Variants in TTC13 observed in about 807,000 individuals in gnomAD.
TTC13 encodes the protein tetratricopeptide repeat protein 13.
TTC13 carries 62 observed loss-of-function variants against 120.0 expected under a neutral mutation model. That is an observed-to-expected ratio of 0.52 (90% confidence interval 0.42 to 0.64). The LOEUF (loss-of-function observed/expected upper bound fraction) is 0.64. Ranked by LOEUF, TTC13 falls within the 30% of genes least tolerant of loss-of-function variation. TTC13 has a pLI of 0.00. For synonymous variants in TTC13, 384 were observed against 393.5 expected (o/e 0.98, Z 0.28); for missense variants, 824 against 1,050.2 (o/e 0.78, Z 2.98).
intron 6 of TTC13, 36 bp downstream of exon 6, chr1:230,943,770 C>A: frequency 2.0e-6 from 3 of 1,503,582 alleles, no homozygotes; most frequent in Non-Finnish European, 2.7e-6. Flanking sequence ...TCAACTAATC[C>A]AATAATGACA....
At chr1:230,956,660 C>CCACA (rs1676113031) in intron 3 of TTC13, 6 of 252,502 alleles carry the variant, frequency 2.4e-5, no homozygotes, top group Non-Finnish European at 4.8e-5. Flanking sequence ...CTGTCCACAT[C>CCACA]TAAGTGATTG....
intron 4 of TTC13, among the ~76,000 whole-genome samples, chr1:230,951,980 G>C (rs1209551307): frequency 6.6e-6 from 1 of 152,202 alleles, no homozygotes; most frequent in African/African-American, 2.4e-5. Flanking sequence ...CTCAAACAGA[G>C]ACTGCGTGCA....
chr1:230,912,539 A>T, intron 19 of TTC13, 84 bp downstream of exon 19: 6 of 1,444,318 alleles, frequency 4.2e-6, no homozygotes, highest in Non-Finnish European at 5.7e-6. Context: ...TAAGATGTAC[A>T]ATCTCAGTGA....
intron 13 of TTC13, 58 bp from the exon 14 acceptor site, chr1:230,925,031 T>G (rs1672935950): frequency 6.3e-7 from 1 of 1,597,914 alleles, no homozygotes; most frequent in Admixed American, 1.7e-5. Flanking sequence ...GAGTTCCACC[T>G]ACTTTACAGA....
intron 1 of TTC13, among the ~76,000 whole-genome samples, chr1:230,962,009 G>A (rs987497128): frequency 1.1e-4 from 16 of 151,912 alleles, no homozygotes; most frequent in East Asian, 7.8e-4. Flanking sequence ...TCACGAGTTC[G>A]AGACCAGCCT....
chr1:230,943,723 T>C (rs1457919418), intron 6 of TTC13, 83 bp downstream of exon 6: 3 of 1,159,762 alleles, frequency 2.6e-6, no homozygotes, highest in Non-Finnish European at 3.7e-6. Context: ...AGCATTAAAA[T>C]TTACAAATAA....
In TTC13 at chr1:230,906,434, C is replaced by A. The variant is rs1374712038; in HGVS notation, c.*471G>T. ...GGCCCAGGAACCTTCTTCCATGGTT[C>A]TAATAAAACAAAGGACCCACACATG... is the stretch of plus-strand genomic sequence containing the variant. On this transcript the variant is annotated 3_prime_UTR_variant, in exon 23 of 23. Coordinates refer to ENST00000366661, the MANE Select transcript of TTC13 (RefSeq NM_024525.5). 1 of 152,168 alleles carries A rather than the reference C, an allele frequency of 6.6e-6. No individual in the cohort carries two copies. Among genetic ancestry groups the A allele is most frequent in the African/African-American group, 2.4e-5 (1 of 41,410 alleles). The allele number at this position is 152,168 out of a possible 1,614,324, so 9.4% of individuals were successfully genotyped here. A position where few individuals can be genotyped will look rare whatever the true frequency, so the allele number is the denominator to read the frequency against.
In TTC13 at chr1:230,942,318, A is replaced by G. The variant is rs1674599092; in HGVS notation, c.672+1488T>C. Among the ~76,000 whole-genome samples the G allele has an allele frequency of 6.6e-6, 1 of 152,188 alleles. No individual in the cohort carries two copies. Among genetic ancestry groups the G allele is most frequent in the African/African-American group, 2.4e-5 (1 of 41,442 alleles). ...ATTAGCCACTAAACACCAACTAAAT[A>G]CCAGCAAGTCTCATGCAGTGATAAA... is the stretch of plus-strand genomic sequence containing the variant. On this transcript the variant is annotated intron_variant, in intron 6 of 22. Transcript: ENST00000366661. The surrounding 1 kb of genome is among the most constrained non-coding windows in gnomAD (Gnocchi z 4.0).
In TTC13 at chr1:230,940,615, T is replaced by C. The variant is rs1244945519; in HGVS notation, c.673-59A>G. 6 of 1,101,676 alleles carry C rather than the reference T, an allele frequency of 5.4e-6. No homozygotes were observed. Among genetic ancestry groups the C allele is most frequent in the Non-Finnish European group, 8.3e-6 (6 of 724,700 alleles). 68.2% of individuals were successfully genotyped at this position (1,101,676 alleles called of 1,614,324 possible). On this transcript the variant is annotated intron_variant, in intron 6 of 22. Coordinates refer to ENST00000366661, the MANE Select transcript of TTC13 (RefSeq NM_024525.5). The surrounding 1 kb of genome is among the most constrained non-coding windows in gnomAD (Gnocchi z 4.1). The stretch of plus-strand genomic sequence containing the variant: ...CCAATGACCAACCCTAAAATCCCAA[T>C]GTTTTTGACTCTTCAATTCCACCTC...
At chr1:230,971,484 T>G (rs1159976454) in intron 1 of TTC13, among the ~76,000 whole-genome samples, 1 of 152,172 alleles carries the variant, frequency 6.6e-6, no homozygotes, top group Admixed American at 6.5e-5. Flanking sequence ...ATTTATATGC[T>G]TCATTTAATG....
intron 19 of TTC13, among the ~76,000 whole-genome samples, chr1:230,912,171 C>T (rs4846878): frequency 0.65 from 99,080 of 152,006 alleles, 32,471 homozygotes; most frequent in Admixed American, 0.71. Flanking sequence ...AAGAAGGCCA[C>T]AGACCAGGAA....
chr1:230,968,187 G>A (rs115247771), intron 1 of TTC13, among the ~76,000 whole-genome samples: 1 of 74,162 alleles, frequency 1.3e-5, no homozygotes, highest in East Asian at 3.5e-4. Context: ...ATGGTGGTGG[G>A]GGGGGGGCCT....
chr1:230,937,398 G>A (rs548031588), intron 8 of TTC13, among the ~76,000 whole-genome samples: 2 of 152,282 alleles, frequency 1.3e-5, no homozygotes, highest in South Asian at 2.1e-4. Context: ...AGATATCCAA[G>A]GGATATAATT....
rs544276307 is a variant in TTC13, at chr1:230,966,406, T to C, written c.272-5103A>G. On this transcript the variant is annotated intron_variant, in intron 1 of 22. Transcript: ENST00000366661. ...AGATTAATAGGAGAAGAAATACTTC[T>C]TTATAAAATTTGATCTCTTTATTTA... 1.1e-4 allele frequency among the ~76,000 whole-genome samples: 16 copies of C among 151,808 alleles called. No individual in the cohort carries two copies. In the East Asian group the frequency reaches 2.9e-3, roughly 28 times the overall value.
At chr1:230,931,632 T>A in intron 10 of TTC13, 104 bp downstream of exon 10, 8 of 1,484,122 alleles carry the variant, frequency 5.4e-6, no homozygotes, top group Non-Finnish European at 7.3e-6. Flanking sequence ...TTTGTTGGAG[T>A]AGAAACACTA....
At chr1:230,946,238 C>T (rs933417183) in intron 4 of TTC13, among the ~76,000 whole-genome samples, 1 of 152,210 alleles carries the variant, frequency 6.6e-6, no homozygotes, top group Non-Finnish European at 1.5e-5. Context: ...ACAGCTGCCT[C>T]TGGCTATAAG....
chr1:230,954,287 G>A, intron 4 of TTC13, 46 bp downstream of exon 4: 1 of 1,389,706 alleles, frequency 7.2e-7, no homozygotes, highest in Non-Finnish European at 1.0e-6. Context: ...CCATATTTTT[G>A]TCATGACCAT....
At chr1:230,977,895 C>G (rs1006300802) in intron 1 of TTC13, among the ~76,000 whole-genome samples, 4 of 152,362 alleles carry the variant, frequency 2.6e-5, no homozygotes, top group African/African-American at 9.6e-5. Flanking sequence ...CCAATACACA[C>G]ACGGCACTGA....
At chr1:230,915,291 G>C (rs771139554) in intron 18 of TTC13, among the ~76,000 whole-genome samples, 2 of 152,150 alleles carry the variant, frequency 1.3e-5, no homozygotes, top group Non-Finnish European at 2.9e-5. Flanking sequence ...TGCTGAGCAG[G>C]TGGAAACCAG....
Sources: allele counts gnomAD v4.1 joint callset (sites outside exome capture counted in the v4.1 genomes callset), GRCh38; gene constraint gnomAD v4.1.1; non-coding constraint Gnocchi (gnomAD v3.1); transcripts MANE v1.5; gene names NCBI Gene and HGNC (gene_info 2026-07-23, HGNC 2026-07-21).